Variants in CLSTN2 observed in about 807,000 individuals in gnomAD.
The protein encoded by CLSTN2 is calsyntenin-2.
In CLSTN2, 48 loss-of-function variants were observed where a neutral mutation model predicts 101.2. The ratio of observed to expected loss-of-function variants is 0.47; its 90% CI spans 0.38 to 0.60. The LOEUF (loss-of-function observed/expected upper bound fraction) is 0.60, where lower values mean the gene tolerates loss of function less well. Ranked by LOEUF, CLSTN2 falls within the 20% of genes least tolerant of loss-of-function variation. The probability of loss-of-function intolerance (pLI) is 0.00; values close to 1 mark genes in which losing one functional copy is unlikely to be tolerated. For synonymous variants in CLSTN2, 481 were observed against 463.6 expected (o/e 1.04, Z -0.48); for missense variants, 1,160 against 1,238.2 (o/e 0.94, Z 0.95).
chr3:140,295,389 A>T (rs1017892983), intron 2 of CLSTN2, among the ~76,000 whole-genome samples: 2 of 152,062 alleles, frequency 1.3e-5, no homozygotes, highest in Non-Finnish European at 2.9e-5. Context: ...GCACCTTTCA[A>T]TCTGTTTGTC....
intron 1 of CLSTN2, among the ~76,000 whole-genome samples, chr3:139,958,668 G>T (rs1159369054): frequency 6.6e-6 from 1 of 151,670 alleles, no homozygotes; most frequent in African/African-American, 2.4e-5. Flanking sequence ...GTCGGTGTGT[G>T]ATTCTGTAGA....
At chr3:140,447,879 G>A (rs148367450) in intron 5 of CLSTN2, among the ~76,000 whole-genome samples, 3 of 152,350 alleles carry the variant, frequency 2.0e-5, no homozygotes, top group African/African-American at 7.2e-5. Context: ...ACCTTGCCTT[G>A]AGGAGATCTG....
intron 2 of CLSTN2, among the ~76,000 whole-genome samples, chr3:140,302,218 A>G (rs2087067335): frequency 6.6e-6 from 1 of 152,292 alleles, no homozygotes; most frequent in Admixed American, 6.5e-5. Flanking sequence ...AACATAAAGA[A>G]TTCCAGAACC....
chr3:140,529,759 C>T (rs1935216121), intron 8 of CLSTN2, among the ~76,000 whole-genome samples: 1 of 152,166 alleles, frequency 6.6e-6, no homozygotes, highest in African/African-American at 2.4e-5. Flanking sequence ...GGGGCAGCTC[C>T]CAAGCATTCC....
At chr3:140,379,174 C>T (rs1417634595) in intron 2 of CLSTN2, among the ~76,000 whole-genome samples, 1 of 152,222 alleles carries the variant, frequency 6.6e-6, no homozygotes, top group Admixed American at 6.5e-5. Flanking sequence ...GAATCACTTT[C>T]CCCTTTAGTT....
rs78691805 is a variant in CLSTN2 at position 140,124,865 on chromosome 3, G to A, written c.110-51086G>A. Among the ~76,000 whole-genome samples, 252 of 152,300 alleles carry A rather than the reference G, an allele frequency of 1.7e-3. 10 individuals carry two copies. In the East Asian group the frequency reaches 0.043, roughly 26 times the overall value. On this transcript the variant is annotated intron_variant, in intron 1 of 16. Coordinates refer to ENST00000458420, the MANE Select transcript of CLSTN2 (RefSeq NM_022131.3). ...GAAGTGAGTGCAGATAGTGAATGGG[G>A]ACAAGGACCAAGTCTTTGGCCAACA...
intron 2 of CLSTN2, among the ~76,000 whole-genome samples, chr3:140,341,228 T>G (rs1415439838): frequency 5.3e-5 from 8 of 152,218 alleles, no homozygotes; most frequent in African/African-American, 1.9e-4. Context: ...TTGGAAAACA[T>G]TGACAGTCTC....
intron 1 of CLSTN2, among the ~76,000 whole-genome samples, chr3:139,953,365 C>T (rs772406248): frequency 9.9e-5 from 15 of 152,150 alleles, no homozygotes; most frequent in Non-Finnish European, 1.9e-4. Context: ...ACGCAATTTA[C>T]TCATGTAACA....
At chr3:140,391,784 C>T (rs1249485761) in intron 2 of CLSTN2, among the ~76,000 whole-genome samples, 1 of 152,018 alleles carries the variant, frequency 6.6e-6, no homozygotes, top group Non-Finnish European at 1.5e-5. Context: ...TCAGTACATA[C>T]ATCTGGATTT....
rs139835697 is a variant in CLSTN2 at position 140,231,379 on chromosome 3, T to G, written c.232+55306T>G. Among the ~76,000 whole-genome samples the G allele has an allele frequency of 7.3e-3, 1,111 of 152,128 alleles. 8 individuals carry two copies. Among genetic ancestry groups the G allele is most frequent in the African/African-American group, 0.024 (976 of 41,490 alleles). On this transcript the variant is annotated intron_variant, in intron 2 of 16. Transcript: ENST00000458420. The stretch of plus-strand genomic sequence containing the variant: ...GGTCTATCCCATCACAAAAAGAGAT[T>G]GAAAAACCGGTTTAAAAAAAATGCA...
chr3:140,129,565 A>G (rs2009491008), intron 1 of CLSTN2, among the ~76,000 whole-genome samples: 1 of 152,224 alleles, frequency 6.6e-6, no homozygotes, highest in Admixed American at 6.5e-5. Flanking sequence ...TATGTGCTCA[A>G]TAATTGATGT....
At chr3:140,414,516 TG>T (rs773478728) in intron 4 of CLSTN2, among the ~76,000 whole-genome samples, 2 of 151,926 alleles carry the variant, frequency 1.3e-5, no homozygotes, top group East Asian at 3.8e-4. Context: ...AGCTAAGCTA[TG>T]GGTATGCAAA....
At chr3:139,941,256 G>C (rs1343047883) in intron 1 of CLSTN2, among the ~76,000 whole-genome samples, 1 of 152,032 alleles carries the variant, frequency 6.6e-6, no homozygotes, top group Non-Finnish European at 1.5e-5. Context: ...TGAAGATCCT[G>C]GCACTGTGTA....
At chr3:140,445,164 G>A (rs1357853825) in intron 5 of CLSTN2, among the ~76,000 whole-genome samples, 1 of 152,198 alleles carries the variant, frequency 6.6e-6, no homozygotes, top group Non-Finnish European at 1.5e-5. Flanking sequence ...ATTTCTCCCT[G>A]GCGGCCAGAG....
At chr3:140,466,119 A>G (rs1338293269) in intron 7 of CLSTN2, among the ~76,000 whole-genome samples, 1 of 152,226 alleles carries the variant, frequency 6.6e-6, no homozygotes. Context: ...GCTCTGCTTC[A>G]TATAGATTAG....
intron 8 of CLSTN2, among the ~76,000 whole-genome samples, chr3:140,470,306 G>A (rs524554): frequency 0.48 from 72,923 of 152,238 alleles, 18,691 homozygotes; most frequent in African/African-American, 0.67. Flanking sequence ...ACAGTTTACA[G>A]TTCCATGTGA....
chr3:140,287,497 T>C (rs990589348), intron 2 of CLSTN2, among the ~76,000 whole-genome samples: 1 of 152,158 alleles, frequency 6.6e-6, no homozygotes, highest in African/African-American at 2.4e-5. Flanking sequence ...TGGTCAAAAA[T>C]GTATACTTTA....
intron 1 of CLSTN2, among the ~76,000 whole-genome samples, chr3:140,156,297 A>G (rs867799259): frequency 6.6e-6 from 1 of 152,202 alleles, no homozygotes; most frequent in South Asian, 2.1e-4. Flanking sequence ...CGATGTTTCA[A>G]TTACAATTTA....
At chr3:140,347,004 A>G (rs13093198) in intron 2 of CLSTN2, among the ~76,000 whole-genome samples, 1 of 152,196 alleles carries the variant, frequency 6.6e-6, no homozygotes, top group Non-Finnish European at 1.5e-5. Flanking sequence ...TGTCTTTTCT[A>G]ACTTTTATTT....
Sources: allele counts gnomAD v4.1 joint callset (sites outside exome capture counted in the v4.1 genomes callset), GRCh38; gene constraint gnomAD v4.1.1; transcripts MANE v1.5; gene names NCBI Gene and HGNC (gene_info 2026-07-23, HGNC 2026-07-21).